KCNK10: variants seen among roughly 807,000 people sequenced by gnomAD.
The protein encoded by KCNK10 is potassium channel subfamily K member 10.
In KCNK10, 25 loss-of-function variants were observed where a neutral mutation model predicts 47.7. The observed-to-expected ratio is 0.52, with a 90% CI of 0.38 to 0.73. The LOEUF (loss-of-function observed/expected upper bound fraction) is 0.73, where lower values mean the gene tolerates loss of function less well. KCNK10 is among the 30% of genes least tolerant of loss of function. The pLI, the probability that KCNK10 is intolerant of heterozygous loss-of-function variation, is 0.00. For missense variants in KCNK10, 563 were observed against 714.5 expected (o/e 0.79, Z 2.42); for synonymous variants, 303 against 285.6 (o/e 1.06, Z -0.61).
chr14:88,201,861 A>T (rs1885112253), intron 4 of KCNK10, among the ~76,000 whole-genome samples: 1 of 152,216 alleles, frequency 6.6e-6, no homozygotes, highest in African/African-American at 2.4e-5. Context: ...TTAGCTATGC[A>T]AATGAAAGCA....
intron 3 of KCNK10, among the ~76,000 whole-genome samples, chr14:88,233,804 G>A (rs1886219041): frequency 6.6e-6 from 1 of 152,130 alleles, no homozygotes; most frequent in Admixed American, 6.5e-5. Context: ...TACCATTAAT[G>A]CACCTTCCAA....
chr14:88,263,652 T>G (rs1460142854), intron 1 of KCNK10, 101 bp from the exon 2 acceptor site: 1 of 1,084,358 alleles, frequency 9.2e-7, no homozygotes, highest in Admixed American at 2.7e-5. Flanking sequence ...TGAGCCAGCT[T>G]TCAAATGTGA....
chr14:88,220,781 T>A (rs2139864146), intron 4 of KCNK10, among the ~76,000 whole-genome samples: 1 of 151,864 alleles, frequency 6.6e-6, no homozygotes, highest in East Asian at 1.9e-4. Context: ...TAGGAAGAAA[T>A]CTACATGACC....
At position 88,212,109 on chromosome 14, in the gene KCNK10, A is replaced by AATATAT. The variant is rs34318518; in HGVS notation, c.681+15260_681+15265dup. Among the ~76,000 whole-genome samples, 244 of 133,362 alleles carry AATATAT rather than the reference A, an allele frequency of 1.8e-3. 7 individuals carry two copies. The highest frequency in any genetic ancestry group is 4.2e-3 in the African/African-American group (152 of 35,880). 87.5% of individuals were successfully genotyped at this position (133,362 alleles called of 152,430 possible). On this transcript the variant is annotated intron_variant, in intron 4 of 6. Coordinates refer to ENST00000319231, the MANE Select transcript of KCNK10 (RefSeq NM_138317.3). ...ACTTTTGGTACTAACTGATAGTGAG[A>AATATAT]ATATATATATATATATATATATCGA... is the stretch of plus-strand genomic sequence containing the variant.
intron 2 of KCNK10, among the ~76,000 whole-genome samples, chr14:88,253,738 A>G (rs539418797): frequency 6.6e-6 from 1 of 152,114 alleles, no homozygotes; most frequent in Non-Finnish European, 1.5e-5. Flanking sequence ...TGTCTCTACT[A>G]AAAATACAAA....
At chr14:88,205,542 C>CTTTTTTTTTTTTT (rs200265659) in intron 4 of KCNK10, among the ~76,000 whole-genome samples, 12 of 115,778 alleles carry the variant, frequency 1.0e-4, no homozygotes, top group African/African-American at 2.3e-4. Context: ...CTTTTCTTTT[C>CTTTTTTTTTTTTT]TTTTTTTTTT....
chr14:88,315,675 G>C (rs550575901), intron 1 of KCNK10, among the ~76,000 whole-genome samples: 8 of 152,170 alleles, frequency 5.3e-5, no homozygotes, highest in Non-Finnish European at 1.2e-4. Context: ...ATGAATATTG[G>C]TGTTTTAGGC....
rs1884319121 is a variant in KCNK10 at position 88,180,762 on chromosome 14, G to A, written c.*4773C>T. ...GCATGAGAGAACTGAGGTTTACATG[G>A]AGTATGGATGGGTTGGTGAAGTCCA... On this transcript the variant is annotated 3_prime_UTR_variant, in exon 7 of 7. Transcript: ENST00000319231. The A allele has an allele frequency of 5.0e-6, 2 of 398,612 alleles. No individual in the cohort carries two copies. The highest frequency in any genetic ancestry group is 8.8e-6 in the Non-Finnish European group (2 of 226,050). 24.7% of individuals were successfully genotyped at this position (398,612 alleles called of 1,614,324 possible).
intron 1 of KCNK10, among the ~76,000 whole-genome samples, chr14:88,292,734 G>A (rs1437421748): frequency 2.0e-5 from 3 of 152,282 alleles, no homozygotes; most frequent in Non-Finnish European, 4.4e-5. Context: ...ACTTGTTCAA[G>A]TGACTCTTGT....
At chr14:88,278,431 A>G (rs187548167) in intron 1 of KCNK10, among the ~76,000 whole-genome samples, 246 of 152,328 alleles carry the variant, frequency 1.6e-3, no homozygotes, top group African/African-American at 5.6e-3. Context: ...CAGTTATAAA[A>G]TTGTGGGACA....
intron 2 of KCNK10, among the ~76,000 whole-genome samples, chr14:88,241,702 TCC>T (rs1886476607): frequency 6.6e-6 from 1 of 152,208 alleles, no homozygotes; most frequent in Admixed American, 6.5e-5. Flanking sequence ...ACCTGTGCCC[TCC>T]CACAAACGGT....
intron 1 of KCNK10, among the ~76,000 whole-genome samples, chr14:88,288,305 T>C (rs1426915049): frequency 6.6e-6 from 1 of 152,218 alleles, no homozygotes; most frequent in Non-Finnish European, 1.5e-5. Flanking sequence ...AATTTTGTTT[T>C]CACTCATACA....
At chr14:88,200,279 TG>T (rs1595076746) in intron 4 of KCNK10, among the ~76,000 whole-genome samples, 1 of 152,034 alleles carries the variant, frequency 6.6e-6, no homozygotes, top group East Asian at 1.9e-4. Flanking sequence ...GAAAGGTGTG[TG>T]AACTAGAAGA....
rs144728653 is a variant in KCNK10 at position 88,254,050 on chromosome 14, A to G, written c.402+9152T>C. On this transcript the variant is annotated intron_variant, in intron 2 of 6. Transcript: ENST00000319231. ...TGGGAAGAGACCCCCCAAAAGGCTC[A>G]TGCTCCAGGCAGTTCCAGACCTAGC... Among the ~76,000 whole-genome samples, 1,178 of 152,290 alleles carry G rather than the reference A, an allele frequency of 7.7e-3. 8 individuals carry two copies. Among genetic ancestry groups the G allele is most frequent in the Non-Finnish European group, 0.011 (780 of 68,022 alleles).
In KCNK10 at chr14:88,185,482, AACACAC is replaced by A. The variant is rs144490234; in HGVS notation, c.*47_*52del. On this transcript the variant is annotated 3_prime_UTR_variant, in exon 7 of 7. Transcript: ENST00000319231. The surrounding 1 kb of genome is among the most constrained non-coding windows in gnomAD (Gnocchi z 4.3). ...CACATGTCTCAGTGTGAATATTAAA[AACACAC>A]ACACACACACACACAACGCTCAGTC... 18 of 1,421,586 alleles carry A rather than the reference AACACAC, an allele frequency of 1.3e-5. No individual in the cohort carries two copies. Among genetic ancestry groups the A allele is most frequent in the African/African-American group, 1.1e-4 (8 of 70,166 alleles). The allele number at this position is 1,421,586 out of a possible 1,614,324, so 88.1% of individuals were successfully genotyped here.
Position 88,266,436 on chromosome 14 carries a change from G to A in KCNK10, c.53-2885C>T, listed in dbSNP as rs182278571. Among the ~76,000 whole-genome samples the A allele has an allele frequency of 6.4e-4, 98 of 152,228 alleles. No homozygotes were observed. In the East Asian group the frequency reaches 0.016, roughly 24 times the overall value. On this transcript the variant is annotated intron_variant, in intron 1 of 6. Transcript: ENST00000319231. Reference sequence around the variant, plus strand: ...CAAAAGCTACCTCCTCTATGAAGTCGTCCTGGGCTCTTCCAGGCAGGCCCA... The same window carrying A: ...CAAAAGCTACCTCCTCTATGAAGTCATCCTGGGCTCTTCCAGGCAGGCCCA...
chr14:88,218,207 G>A (rs1885686076), intron 4 of KCNK10, among the ~76,000 whole-genome samples: 1 of 152,162 alleles, frequency 6.6e-6, no homozygotes. Context: ...CTGAATGCTA[G>A]CTCAAAGATG....
intron 1 of KCNK10, among the ~76,000 whole-genome samples, chr14:88,265,944 T>G (rs1887241287): frequency 6.6e-6 from 1 of 152,222 alleles, no homozygotes; most frequent in Non-Finnish European, 1.5e-5. Flanking sequence ...CTTTCCTTTA[T>G]AACTTACCCA....
chr14:88,258,524 C>T (rs111506656), intron 2 of KCNK10, among the ~76,000 whole-genome samples: 1 of 152,124 alleles, frequency 6.6e-6, no homozygotes, highest in African/African-American at 2.4e-5. Flanking sequence ...CTCCTGACAT[C>T]GTGATCCGCT....
Sources: allele counts gnomAD v4.1 joint callset (sites outside exome capture counted in the v4.1 genomes callset), GRCh38; gene constraint gnomAD v4.1.1; non-coding constraint Gnocchi (gnomAD v3.1); transcripts MANE v1.5; gene names NCBI Gene and HGNC (gene_info 2026-07-23, HGNC 2026-07-21).